Variants in BTBD8 observed in about 807,000 individuals in gnomAD.
BTBD8 encodes BTB/POZ domain-containing protein 8.
A neutral mutation model predicts 162.9 loss-of-function variants in BTBD8; 110 were observed. The observed-to-expected ratio is 0.68, with a 90% CI of 0.58 to 0.79. The LOEUF (loss-of-function observed/expected upper bound fraction) is 0.79. Ranked by LOEUF, BTBD8 falls within the 30% of genes least tolerant of loss-of-function variation. The pLI is 0.00. For missense variants in BTBD8, 1,905 were observed against 2,085.4 expected (o/e 0.91, Z 1.68); for synonymous variants, 667 against 716.1 (o/e 0.93, Z 1.10).
chr1:92,080,481 AGC>A lies in BTBD8; in HGVS notation c.-89_-88del, dbSNP rs756825659. The stretch of plus-strand genomic sequence containing the variant: ...AGGGGGCGGATTTGGGTAGGAGCCG[AGC>A]GTTCGGTCGGAAACGCCCCCTTCTT... On this transcript the variant is annotated 5_prime_UTR_variant, in exon 1 of 18. Coordinates refer to ENST00000636805, the MANE Select transcript of BTBD8 (RefSeq NM_001376131.1). The A allele has an allele frequency of 4.6e-5, 72 of 1,554,752 alleles. No individual in the cohort carries two copies. The highest frequency in any genetic ancestry group is 6.0e-5 in the Non-Finnish European group (69 of 1,155,770).
At chr1:92,180,149 T>C in intron 16 of BTBD8, 116 bp from the exon 17 acceptor site, 1 of 715,056 alleles carries the variant, frequency 1.4e-6, no homozygotes, top group Non-Finnish European at 2.3e-6. Flanking sequence ...ATGTTACCCT[T>C]CCATTGTGTT....
chr1:92,168,089 G>A, intron 11 of BTBD8, 104 bp downstream of exon 11: 2 of 944,238 alleles, frequency 2.1e-6, no homozygotes, highest in Non-Finnish European at 3.0e-6. Context: ...GCTAGGCAGT[G>A]GATACCTAGG....
Position 92,177,853 on chromosome 1 carries a change from C to G in BTBD8, c.2396C>G (p.Ser799Cys), listed in dbSNP as rs959110217. 3.9e-6 allele frequency: 6 copies of G among 1,543,842 alleles called. No individual in the cohort carries two copies. In the African/African-American group the frequency reaches 8.2e-5, roughly 21 times the overall value. Residue 799 changes from serine to cysteine, a missense_variant, in exon 15 of 18, where the codon TCC becomes TGC. By Grantham distance (112) the Ser-to-Cys change is moderately radical. This residue lies in a region of BTBD8 where 1,374 missense variants were observed against 1,442.7 expected (regional missense o/e 0.95). Transcript: ENST00000636805. ...RPVSRVTNGT[S>C]NKKSIHEQDT... ...GTTTCAAGAGTTACCAATGGAACTTCCAATAAAAAAAGTATTCATGAACAA... is the reference window on the plus strand; with the variant it reads ...GTTTCAAGAGTTACCAATGGAACTTGCAATAAAAAAAGTATTCATGAACAA...
chr1:92,137,002 G>A (rs950180618), intron 5 of BTBD8, among the ~76,000 whole-genome samples: 28 of 152,126 alleles, frequency 1.8e-4, no homozygotes, highest in African/African-American at 6.8e-4. Context: ...CACATGTCTT[G>A]TGTCTGAAAG....
At chr1:92,090,299 TTTG>T (rs1462565815) in intron 2 of BTBD8, among the ~76,000 whole-genome samples, 3 of 151,622 alleles carry the variant, frequency 2.0e-5, no homozygotes, top group Admixed American at 1.3e-4. Flanking sequence ...CCTCGGCACA[TTTG>T]TTGTTATCTT....
chr1:92,162,208 C>T (rs995508937), intron 9 of BTBD8, among the ~76,000 whole-genome samples: 1 of 152,204 alleles, frequency 6.6e-6, no homozygotes, highest in East Asian at 1.9e-4. Flanking sequence ...GTGATTCTGA[C>T]AGCACTTTCC....
intron 2 of BTBD8, among the ~76,000 whole-genome samples, chr1:92,091,471 ATGTG>A (rs931790781): frequency 6.6e-6 from 1 of 151,140 alleles, no homozygotes; most frequent in East Asian, 1.9e-4. Context: ...GTGTATGTGT[ATGTG>A]TGTGTGTATG....
intron 13 of BTBD8, among the ~76,000 whole-genome samples, chr1:92,172,808 C>A (rs1308623649): frequency 1.3e-5 from 2 of 152,220 alleles, no homozygotes; most frequent in Non-Finnish European, 2.9e-5. Flanking sequence ...GAGTGAGAAA[C>A]TGGGAGACTG....
rs199735511 is a variant in BTBD8, at chr1:92,180,511, C to A, written c.2828C>A (p.Pro943His). ...NNKDSKQKMP[P>H]GQVISKTQPS... ...AAAGATTCAAAACAGAAAATGCCTC[C>A]TGGACAGGTTATATCAAAAACTCAG... The change falls in exon 17 of 18, where the codon CCT (proline) becomes CAT (histidine). Residue 943 changes from proline (P) to histidine (H), a missense_variant. Pro to His is a moderately conservative substitution (Grantham distance 77). This residue lies in a region of BTBD8 where 1,374 missense variants were observed against 1,442.7 expected (regional missense o/e 0.95). Transcript: ENST00000636805. The A allele has an allele frequency of 3.4e-5, 52 of 1,551,224 alleles. No individual in the cohort carries two copies. The highest frequency in any genetic ancestry group is 4.8e-5 in the South Asian group (4 of 83,984).
intron 2 of BTBD8, among the ~76,000 whole-genome samples, chr1:92,092,164 G>C (rs1312158596): frequency 1.3e-5 from 2 of 152,116 alleles, no homozygotes; most frequent in Non-Finnish European, 1.5e-5. Context: ...ACTTTGGGGG[G>C]CTGAGGCAGG....
chr1:92,119,254 CAT>C (rs1306219236), intron 4 of BTBD8, among the ~76,000 whole-genome samples: 1 of 150,954 alleles, frequency 6.6e-6, no homozygotes, highest in East Asian at 1.9e-4. Context: ...TAATCACAAA[CAT>C]GTATAGCTGT....
chr1:92,173,218 C>T (rs570436952), intron 13 of BTBD8, among the ~76,000 whole-genome samples: 1 of 152,340 alleles, frequency 6.6e-6, no homozygotes, highest in South Asian at 2.1e-4. Flanking sequence ...AGCCACCACG[C>T]CCAACCCCAT....
chr1:92,080,765 C>T (rs368510940), intron 1 of BTBD8, 45 bp downstream of exon 1: 73 of 1,569,048 alleles, frequency 4.7e-5, no homozygotes, highest in Non-Finnish European at 6.0e-5. Context: ...CCTAAATCGC[C>T]CACCTCCGCC....
intron 17 of BTBD8, 121 bp from the exon 18 acceptor site, chr1:92,183,743 T>G (rs1379199536): frequency 7.0e-6 from 4 of 569,934 alleles, no homozygotes; most frequent in Non-Finnish European, 1.1e-5. Context: ...GAAGTTATTT[T>G]TCCCATTCTG....
At chr1:92,128,356 G>A (rs1649417549) in intron 4 of BTBD8, among the ~76,000 whole-genome samples, 1 of 151,934 alleles carries the variant, frequency 6.6e-6, no homozygotes, top group African/African-American at 2.4e-5. Flanking sequence ...TCGGCTCACT[G>A]CAAGCTCCGC....
intron 4 of BTBD8, among the ~76,000 whole-genome samples, chr1:92,117,101 C>T (rs1246840212): frequency 6.6e-6 from 1 of 151,998 alleles, no homozygotes; most frequent in Non-Finnish European, 1.5e-5. Flanking sequence ...CCTTCTGCCT[C>T]AGCCTCCCAA....
chr1:92,117,836 T>C (rs970565320), intron 4 of BTBD8, among the ~76,000 whole-genome samples: 5 of 152,062 alleles, frequency 3.3e-5, no homozygotes, highest in Admixed American at 2.0e-4. Context: ...AGCATTGTGA[T>C]TGTAGAGCTT....
At chr1:92,173,057 C>G (rs1557464734) in intron 13 of BTBD8, among the ~76,000 whole-genome samples, 2 of 152,142 alleles carry the variant, frequency 1.3e-5, no homozygotes, top group Admixed American at 1.3e-4. Flanking sequence ...TCCCAAATAG[C>G]TGGGATTACA....
At chr1:92,152,268 A>G (rs575040086) in intron 9 of BTBD8, among the ~76,000 whole-genome samples, 1 of 152,320 alleles carries the variant, frequency 6.6e-6, no homozygotes, top group African/African-American at 2.4e-5. Flanking sequence ...AGGTTAGACT[A>G]TGATGAGTAC....
Sources: allele counts gnomAD v4.1 joint callset (sites outside exome capture counted in the v4.1 genomes callset), GRCh38; gene constraint gnomAD v4.1.1; regional missense constraint gnomAD v4.1.1; transcripts MANE v1.5; gene names NCBI Gene and HGNC (gene_info 2026-07-23, HGNC 2026-07-21).